The following SLAIN2 variants were observed in gnomAD, a reference collection of about 807,000 sequenced individuals.
SLAIN2 encodes the protein SLAIN motif-containing protein 2.
A neutral mutation model predicts 56.6 loss-of-function variants in SLAIN2; 31 were observed. That is an observed-to-expected ratio of 0.55 (90% CI 0.41 to 0.74). The LOEUF is 0.74. Among genes scored for constraint, SLAIN2 ranks in the 30% least tolerant of loss-of-function variants. SLAIN2 has a pLI of 0.00. For missense variants in SLAIN2, 777 were observed against 754.2 expected, an observed-to-expected ratio of 1.03 and a Z score of -0.35; for synonymous variants, 317 against 284.9, an observed-to-expected ratio of 1.11 and a Z score of -1.13.
At chr4:48,359,087 T>C (rs1056771600) in intron 1 of SLAIN2, among the ~76,000 whole-genome samples, 2 of 152,192 alleles carry the variant, frequency 1.3e-5, no homozygotes, top group African/African-American at 4.8e-5. Flanking sequence ...TGGAAACAAA[T>C]TACAATCTCA....
At chr4:48,420,573 C>A in intron 7 of SLAIN2, 130 bp downstream of exon 7, 1 of 1,006,738 alleles carries the variant, frequency 9.9e-7, no homozygotes, top group Non-Finnish European at 1.4e-6. Context: ...AGTTTTAGTA[C>A]CATTTGAATA....
At chr4:48,351,500 G>A (rs1715008426) in intron 1 of SLAIN2, among the ~76,000 whole-genome samples, 1 of 152,138 alleles carries the variant, frequency 6.6e-6, no homozygotes, top group Non-Finnish European at 1.5e-5. Flanking sequence ...TTATACTTAG[G>A]ACTGATGGTG....
intron 7 of SLAIN2, 54 bp downstream of exon 7, chr4:48,420,497 C>T (rs1717120535): frequency 6.3e-7 from 1 of 1,582,142 alleles, no homozygotes; most frequent in East Asian, 2.2e-5. Flanking sequence ...AGTGGATAGA[C>T]TGGAATGAAT....
intron 6 of SLAIN2, among the ~76,000 whole-genome samples, chr4:48,409,497 T>C (rs1320699927): frequency 6.6e-6 from 1 of 152,238 alleles, no homozygotes; most frequent in Non-Finnish European, 1.5e-5. Flanking sequence ...TCCTTTTTAT[T>C]GCCAAATATT....
intron 1 of SLAIN2, among the ~76,000 whole-genome samples, chr4:48,362,411 C>G (rs1560452137): frequency 6.7e-6 from 1 of 150,112 alleles, no homozygotes; most frequent in Non-Finnish European, 1.5e-5. Flanking sequence ...CTCTGTCTCC[C>G]TTTCTCTCTC....
chr4:48,380,783 A>G (rs1374262891), intron 4 of SLAIN2, among the ~76,000 whole-genome samples: 1 of 152,166 alleles, frequency 6.6e-6, no homozygotes, highest in East Asian at 1.9e-4. Flanking sequence ...GGCTGAGGTT[A>G]ATGGAGCATT....
chr4:48,370,309 TG>T (rs1163832326), intron 2 of SLAIN2, among the ~76,000 whole-genome samples: 1 of 152,202 alleles, frequency 6.6e-6, no homozygotes, highest in Non-Finnish European at 1.5e-5. Flanking sequence ...TGTCTGGTAT[TG>T]TATAAAATCC....
chr4:48,408,001 C>T lies in SLAIN2; in HGVS notation c.1361-12124C>T, dbSNP rs567268594. ...TACTTAGCATAATGTTTTCTAAGTT[C>T]GTCATTCTGTAGCATGTATCAGTAT... On this transcript the variant is annotated intron_variant, in intron 6 of 7. Coordinates refer to ENST00000264313, the MANE Select transcript of SLAIN2 (RefSeq NM_020846.2). Among the ~76,000 whole-genome samples, 8 of 152,160 alleles carry T rather than the reference C, an allele frequency of 5.3e-5. No homozygotes were observed. The South Asian group carries it at 1.7e-3, about 32-fold the overall frequency.
At chr4:48,386,617 A>G (rs1404515508) in intron 6 of SLAIN2, among the ~76,000 whole-genome samples, 1 of 152,224 alleles carries the variant, frequency 6.6e-6, no homozygotes, top group Non-Finnish European at 1.5e-5. Flanking sequence ...AGCAAATTAC[A>G]TTTTAAACTT....
At chr4:48,342,416 C>T (rs556952971) in intron 1 of SLAIN2, among the ~76,000 whole-genome samples, 5 of 152,238 alleles carry the variant, frequency 3.3e-5, no homozygotes, top group Admixed American at 3.3e-4. Flanking sequence ...GGGCTGTTCG[C>T]CTGGGGAGGA....
chr4:48,341,582 G>C lies in SLAIN2; in HGVS notation c.-158G>C. On this transcript the variant is annotated 5_prime_UTR_variant, in exon 1 of 8. Transcript: ENST00000264313. ...TTCGGCTGGGGCCAGCGGCGCTTTG[G>C]AACCCGAGGTGGGGGGACCCTGGCG... 1.7e-6 allele frequency: 2 copies of C among 1,192,098 alleles called. No individual in the cohort carries two copies. The highest frequency in any genetic ancestry group is 2.2e-6 in the Non-Finnish European group (2 of 906,886). 73.8% of individuals were successfully genotyped at this position (1,192,098 alleles called of 1,614,324 possible). A position where few individuals can be genotyped will look rare whatever the true frequency, so the allele number is the denominator to read the frequency against.
At chr4:48,345,314 A>G (rs1577705341) in intron 1 of SLAIN2, among the ~76,000 whole-genome samples, 3 of 152,214 alleles carry the variant, frequency 2.0e-5, no homozygotes, top group Admixed American at 1.3e-4. Flanking sequence ...TCTTCAGAGT[A>G]AATAATCCCA....
intron 2 of SLAIN2, among the ~76,000 whole-genome samples, chr4:48,372,404 A>AT (rs1715693776): frequency 6.6e-6 from 1 of 152,212 alleles, no homozygotes; most frequent in African/African-American, 2.4e-5. Context: ...CTCTTGTAGC[A>AT]TGCAAGCAGC....
At chr4:48,362,732 C>CTTTTTTTTTTTTTTTATTTTTT (rs397716685) in intron 1 of SLAIN2, among the ~76,000 whole-genome samples, 2 of 116,286 alleles carry the variant, frequency 1.7e-5, no homozygotes, top group African/African-American at 3.3e-5. Context: ...TTTTAAATTT[C>CTTTTTTTTTTTTTTTATTTTTT]TTTTTTTTTT....
At chr4:48,394,672 T>G in intron 6 of SLAIN2, 1 of 1,532,668 alleles carries the variant, frequency 6.5e-7, no homozygotes, top group Non-Finnish European at 8.7e-7. Flanking sequence ...AGCCTCTTAC[T>G]CAGTTTAAAA....
rs1453014544 is a variant in SLAIN2 at position 48,412,374 on chromosome 4, AC to A, written c.1361-7750del. 2.8e-4 allele frequency among the ~76,000 whole-genome samples: 20 copies of A among 70,664 alleles called. No individual in the cohort carries two copies. In the East Asian group the frequency reaches 6.7e-3, roughly 24 times the overall value. 46.4% of individuals were successfully genotyped at this position (70,664 alleles called of 152,430 possible). On this transcript the variant is annotated intron_variant, in intron 6 of 7. Transcript: ENST00000264313. ...TGTATGTTTGTATATGTACACACACACACACACACACACACACACACACACA... is the reference window on the plus strand; with the variant it reads ...TGTATGTTTGTATATGTACACACACAACACACACACACACACACACACACA...
intron 6 of SLAIN2, among the ~76,000 whole-genome samples, chr4:48,408,934 C>T (rs1716775125): frequency 6.6e-6 from 1 of 152,024 alleles, no homozygotes; most frequent in Non-Finnish European, 1.5e-5. Context: ...TGTACTTTCT[C>T]TATGTTTAGA....
chr4:48,420,219 T>C lies in SLAIN2; in HGVS notation c.1455T>C (p.Ser485=), dbSNP rs1717110215. The C allele has an allele frequency of 3.7e-6, 6 of 1,613,964 alleles. No homozygotes were observed. Among genetic ancestry groups the C allele is most frequent in the Non-Finnish European group, 5.1e-6 (6 of 1,179,874 alleles). The change falls in exon 7 of 8, where the codon TCT becomes TCC. Residue 485 remains serine (S), a synonymous_variant. Coordinates refer to ENST00000264313, the MANE Select transcript of SLAIN2 (RefSeq NM_020846.2). ...VKAFSNHGSG[S]PGSQEITQLT... is the part of the protein sequence containing the mutation. ...CATTTAGTAACCATGGCTCTGGTTC[T>C]CCTGGTAGCCAAGAAATAACACAGC...
At chr4:48,356,778 TAAAATTAAAAAA>T (rs981908187) in intron 1 of SLAIN2, among the ~76,000 whole-genome samples, 1 of 152,132 alleles carries the variant, frequency 6.6e-6, no homozygotes, top group African/African-American at 2.4e-5. Flanking sequence ...TTGATTCTCT[TAAAATTAAAAAA>T]ACCATGCCAT....
Sources: allele counts gnomAD v4.1 joint callset (sites outside exome capture counted in the v4.1 genomes callset), GRCh38; gene constraint gnomAD v4.1.1; transcripts MANE v1.5; gene names NCBI Gene and HGNC (gene_info 2026-07-23, HGNC 2026-07-21).